SERINC2: variants seen among roughly 807,000 people sequenced by gnomAD.
SERINC2 encodes the protein tumor differentially expressed protein 2.
Under a neutral mutation model 54.2 loss-of-function variants are expected in SERINC2, and 56 were observed. The observed-to-expected ratio is 1.03, with a 90% confidence interval of 0.83 to 1.29. The LOEUF is 1.29. SERINC2 is among the 50% of genes most tolerant of loss of function. SERINC2 has a pLI of 0.00. For missense variants in SERINC2, 614 were observed against 607.4 expected (o/e 1.01, Z -0.12); for synonymous variants, 272 against 253.1 (o/e 1.07, Z -0.71).
chr1:31,415,427 C>T (rs1553132101), intron 1 of SERINC2, among the ~76,000 whole-genome samples: 1 of 152,226 alleles, frequency 6.6e-6, no homozygotes, highest in African/African-American at 2.4e-5. Context: ...CTCATTGGCT[C>T]TCCCCACCTC....
chr1:31,425,194 A>G, intron 3 of SERINC2, 136 bp from the exon 4 acceptor site: 1 of 743,498 alleles, frequency 1.3e-6, no homozygotes. Flanking sequence ...TGCCTATCAG[A>G]CCACCAGAAA....
At chr1:31,432,811 G>T (rs1486637000) in intron 8 of SERINC2, among the ~76,000 whole-genome samples, 156 bp from the exon 9 acceptor site, 1 of 152,194 alleles carries the variant, frequency 6.6e-6, no homozygotes, top group African/African-American at 2.4e-5. Flanking sequence ...GAAAATGGGA[G>T]TGGGGGTAGG....
intron 9 of SERINC2, among the ~76,000 whole-genome samples, chr1:31,433,425 G>A (rs1553135174): frequency 6.6e-6 from 1 of 152,160 alleles, no homozygotes; most frequent in Non-Finnish European, 1.5e-5. Context: ...CACAGCAGCT[G>A]GGGCTGGACC....
rs182931126 is a variant in SERINC2, at chr1:31,431,867, A to T, written c.1014-1100A>T. ...AGGGTGGATAGGGTGGATAGGGTGG[A>T]TAGGGTGGACAGGGTGGACAGGGTG... On this transcript the variant is annotated intron_variant, in intron 8 of 9. Transcript: ENST00000373709. Among the ~76,000 whole-genome samples the T allele has an allele frequency of 3.4e-3, 471 of 136,598 alleles. 3 individuals are homozygous for T. Among genetic ancestry groups the T allele is most frequent in the African/African-American group, 6.8e-3 (234 of 34,584 alleles). 89.6% of individuals were successfully genotyped at this position (136,598 alleles called of 152,430 possible).
rs1641138309 is a variant in SERINC2 at position 31,429,512 on chromosome 1, C to T, written c.987C>T (p.Ile329=). The change falls in exon 8 of 10, where the codon ATC becomes ATT. Residue 329 remains isoleucine (I), a synonymous_variant. Coordinates refer to ENST00000373709, the MANE Select transcript of SERINC2 (RefSeq NM_178865.5). ...CCCCGAGCATTGTGGGCCTCATCAT[C>T]TTCCTCCTGTGCACCCTCTTCATCA... The part of the protein sequence containing the change: ...WDAPSIVGLI[I]FLLCTLFISL... The T allele has an allele frequency of 6.2e-7, 1 of 1,612,932 alleles. No homozygotes were observed. Among genetic ancestry groups the T allele is most frequent in the Non-Finnish European group, 8.5e-7 (1 of 1,179,358 alleles).
At position 31,429,483 on chromosome 1, in the gene SERINC2, G is replaced by A. The variant is rs1171439560; in HGVS notation, c.958G>A (p.Asp320Asn). The change falls in exon 8 of 10, where the codon GAT becomes AAT. Residue 320 changes from aspartate to asparagine, a missense_variant. Asp to Asn is a conservative substitution (Grantham distance 23). Transcript: ENST00000373709. Reference protein sequence around the residue: ...GPEGYETQWWDAPSIVGLIIF... With the variant: ...GPEGYETQWWNAPSIVGLIIF... ...CGAGGGCTATGAGACCCAGTGGTGG[G>A]ATGCCCCGAGCATTGTGGGCCTCAT... The A allele has an allele frequency of 1.2e-6, 2 of 1,613,730 alleles. No individual in the cohort carries two copies. Among genetic ancestry groups the A allele is most frequent in the Non-Finnish European group, 1.7e-6 (2 of 1,179,894 alleles).
chr1:31,431,876 A>ATAGGGTGGT (rs1641238480), intron 8 of SERINC2, among the ~76,000 whole-genome samples: 2 of 133,414 alleles, frequency 1.5e-5, no homozygotes, highest in African/African-American at 3.1e-5. Context: ...GATAGGGTGG[A>ATAGGGTGGT]CAGGGTGGAC....
intron 1 of SERINC2, among the ~76,000 whole-genome samples, chr1:31,419,110 T>C (rs1408715129): frequency 6.6e-6 from 1 of 152,206 alleles, no homozygotes; most frequent in Non-Finnish European, 1.5e-5. Flanking sequence ...TGCCCTTGAG[T>C]GCATCTGCAG....
At chr1:31,414,050 C>T in intron 1 of SERINC2, 1 of 1,514,040 alleles carries the variant, frequency 6.6e-7, no homozygotes, top group Non-Finnish European at 8.8e-7. Context: ...TCTTAGCTGC[C>T]CTCGAGTGAG....
At chr1:31,428,873 C>A in intron 6 of SERINC2, 105 bp from the exon 7 acceptor site, 1 of 829,164 alleles carries the variant, frequency 1.2e-6, no homozygotes, top group Non-Finnish European at 2.0e-6. Context: ...GTGGGGTATC[C>A]TAGGTGGGTG....
At chr1:31,417,538 G>A (rs1414859075) in intron 1 of SERINC2, among the ~76,000 whole-genome samples, 2 of 151,988 alleles carry the variant, frequency 1.3e-5, no homozygotes, top group Non-Finnish European at 2.9e-5. Flanking sequence ...AAAAAATTGA[G>A]GTAAAAGATG....
In SERINC2 at chr1:31,434,139, G is replaced by C. The variant is rs1190814718; in HGVS notation, c.1308G>C (p.Leu436=). 5.0e-6 allele frequency: 8 copies of C among 1,613,816 alleles called. No individual in the cohort carries two copies. Among genetic ancestry groups the C allele is most frequent in the Non-Finnish European group, 6.8e-6 (8 of 1,179,938 alleles). ...AGATCTGTGCCAGCTGGGCAGGGCT[G>C]CTCCTCTACCTGTGGACCCTGGTAG... ...WVKICASWAG[L]LLYLWTLVAP... Residue 436 remains leucine, a synonymous_variant, in exon 10 of 10, where the codon CTG becomes CTC. Coordinates refer to ENST00000373709, the MANE Select transcript of SERINC2 (RefSeq NM_178865.5).
chr1:31,429,130 G>A, intron 7 of SERINC2, 62 bp downstream of exon 7: 1 of 1,436,108 alleles, frequency 7.0e-7, no homozygotes, highest in Non-Finnish European at 9.8e-7. Flanking sequence ...TCAGTCTACT[G>A]TGGGGCTGGG....
chr1:31,434,229 T>TGCTGCCA lies in SERINC2; in HGVS notation c.*30_*31insGCTGCCA. 1 of 1,604,218 alleles carries TGCTGCCA rather than the reference T, an allele frequency of 6.2e-7. No homozygotes were observed. The highest frequency in any genetic ancestry group is 8.5e-7 in the Non-Finnish European group (1 of 1,176,262). On this transcript the variant is annotated 3_prime_UTR_variant, in exon 10 of 10. Coordinates refer to ENST00000373709, the MANE Select transcript of SERINC2 (RefSeq NM_178865.5). ...GCCTCACAGCCTGCCATCTGGTGCCTCCTGCCACCTGGTGCCTCTCGGCTC... is the reference window on the plus strand; with the variant it reads ...GCCTCACAGCCTGCCATCTGGTGCCTGCTGCCACCTGCCACCTGGTGCCTCTCGGCTC...
chr1:31,432,900 A>G (rs1254924241), intron 8 of SERINC2, 67 bp from the exon 9 acceptor site: 41 of 1,302,596 alleles, frequency 3.1e-5, no homozygotes, highest in African/African-American at 4.4e-5. Flanking sequence ...CTCTGGGACC[A>G]TTTGTGTCCA....
chr1:31,424,371 G>C (rs139271873), intron 2 of SERINC2, among the ~76,000 whole-genome samples: 1 of 152,204 alleles, frequency 6.6e-6, no homozygotes, highest in Admixed American at 6.5e-5. Flanking sequence ...TCTGATGTAG[G>C]TGGTGGGTGG....
At chr1:31,431,301 C>A (rs368642715) in intron 8 of SERINC2, among the ~76,000 whole-genome samples, 1 of 83,260 alleles carries the variant, frequency 1.2e-5, no homozygotes, top group Non-Finnish European at 2.8e-5. Flanking sequence ...CTTAAAAAAA[C>A]ATTTTTTTTT....
intron 8 of SERINC2, among the ~76,000 whole-genome samples, chr1:31,431,786 A>ATAGGGTGGT (rs1557499750): frequency 2.0e-4 from 10 of 49,552 alleles, no homozygotes; most frequent in Admixed American, 6.6e-4. Context: ...AATAGGGTGG[A>ATAGGGTGGT]TAGGGTGGAT....
rs2148521026 is a variant in SERINC2, at chr1:31,426,679, C to G, written c.636C>G (p.Phe212Leu). Residue 212 changes from phenylalanine to leucine, a missense_variant, in exon 6 of 10, where the codon TTC becomes TTG. Phe to Leu is a conservative substitution (Grantham distance 22, BLOSUM62 0). Coordinates refer to ENST00000373709, the MANE Select transcript of SERINC2 (RefSeq NM_178865.5). ...YAGLFFFTLL[F>L]YLLSIAAVAL... ...GCCTCTTCTTCTTCACTCTCCTCTTCTACTTGCTGTCGATCGCGGCCGTGG... is the reference window on the plus strand; with the variant it reads ...GCCTCTTCTTCTTCACTCTCCTCTTGTACTTGCTGTCGATCGCGGCCGTGG... 4 of 1,612,890 alleles carry G rather than the reference C, an allele frequency of 2.5e-6. No homozygotes were observed. The highest frequency in any genetic ancestry group is 3.4e-6 in the Non-Finnish European group (4 of 1,178,994).
Sources: gnomAD v4.1 joint callset for allele counts (sites outside exome capture counted in the v4.1 genomes callset) on GRCh38, gnomAD v4.1.1 for gene constraint, MANE v1.5 for transcripts, NCBI Gene and HGNC (gene_info 2026-07-23, HGNC 2026-07-21) for gene names.